KCNH5: variants seen among roughly 807,000 people sequenced by gnomAD.
The protein encoded by KCNH5 is potassium voltage-gated channel subfamily H member 5.
KCNH5 carries 46 observed loss-of-function variants against 96.1 expected under a neutral mutation model. The observed-to-expected ratio is 0.48, with a 90% confidence interval of 0.38 to 0.61. KCNH5 has a LOEUF of 0.61. Among genes scored for constraint, KCNH5 ranks in the 20% least tolerant of loss-of-function variants. The pLI, the probability that KCNH5 is intolerant of heterozygous loss-of-function variation, is 0.00. For missense variants in KCNH5, 907 were observed against 1,225.8 expected (o/e 0.74, Z 3.88); for synonymous variants, 439 against 449.8 (o/e 0.98, Z 0.30).
At chr14:62,834,543 A>G (rs1198412486) in intron 8 of KCNH5, among the ~76,000 whole-genome samples, 2 of 152,092 alleles carry the variant, frequency 1.3e-5, no homozygotes, top group East Asian at 3.9e-4. Flanking sequence ...GAAGAAAACC[A>G]AGGCAGGCAA....
chr14:62,876,680 A>G (rs1888379601), intron 7 of KCNH5, among the ~76,000 whole-genome samples: 1 of 152,232 alleles, frequency 6.6e-6, no homozygotes, highest in African/African-American at 2.4e-5. Flanking sequence ...AACCTCACAT[A>G]CTATATAGCG....
At chr14:62,911,127 T>A (rs1889144705) in intron 7 of KCNH5, among the ~76,000 whole-genome samples, 1 of 152,118 alleles carries the variant, frequency 6.6e-6, no homozygotes, top group Non-Finnish European at 1.5e-5. Flanking sequence ...AAATAGTATA[T>A]ACTTAAAAAT....
intron 10 of KCNH5, among the ~76,000 whole-genome samples, chr14:62,734,554 G>A (rs2139928012): frequency 6.6e-6 from 1 of 152,146 alleles, no homozygotes; most frequent in African/African-American, 2.4e-5. Flanking sequence ...TTCTTTCCAG[G>A]AAGCCCCTCC....
chr14:62,859,699 G>A (rs1392664050), intron 7 of KCNH5, among the ~76,000 whole-genome samples: 1 of 152,178 alleles, frequency 6.6e-6, no homozygotes, highest in Non-Finnish European at 1.5e-5. Context: ...ATAACCAGGT[G>A]GCCTGCTTGA....
intron 8 of KCNH5, among the ~76,000 whole-genome samples, chr14:62,811,833 A>C (rs1216362059): frequency 6.6e-6 from 1 of 152,170 alleles, no homozygotes; most frequent in African/African-American, 2.4e-5. Context: ...GAGCACATTC[A>C]GTCATTCATT....
At chr14:62,910,566 A>G (rs1195054993) in intron 7 of KCNH5, among the ~76,000 whole-genome samples, 1 of 152,236 alleles carries the variant, frequency 6.6e-6, no homozygotes. Context: ...GCAATAACAA[A>G]TTGAAAAGGT....
chr14:62,810,515 TA>T (rs1252344658), intron 8 of KCNH5, among the ~76,000 whole-genome samples: 1 of 152,036 alleles, frequency 6.6e-6, no homozygotes, highest in African/African-American at 2.4e-5. Flanking sequence ...TGGCACAAGA[TA>T]CAGGTCATAA....
intron 1 of KCNH5, among the ~76,000 whole-genome samples, chr14:63,026,920 C>T (rs965585075): frequency 1.3e-5 from 2 of 152,016 alleles, no homozygotes; most frequent in African/African-American, 2.4e-5. Context: ...TATTGCTCCA[C>T]TATTTACAGT....
intron 8 of KCNH5, among the ~76,000 whole-genome samples, chr14:62,826,659 T>C (rs963552603): frequency 1.3e-5 from 2 of 152,008 alleles, no homozygotes; most frequent in Admixed American, 6.6e-5. Flanking sequence ...AAAACTTTTG[T>C]ATTAAAACTT....
chr14:62,741,929 C>T (rs1885278787), intron 10 of KCNH5, among the ~76,000 whole-genome samples: 1 of 152,122 alleles, frequency 6.6e-6, no homozygotes, highest in African/African-American at 2.4e-5. Context: ...GAAAAGATTA[C>T]TGGTATCAAA....
In KCNH5 at chr14:63,011,083, T is replaced by C. The variant is rs149330721; in HGVS notation, c.198-4611A>G. The stretch of plus-strand genomic sequence containing the variant: ...TCCAGCTCAGAAGTGGCCACAACCA[T>C]AGAATCATAAAGGTTAATGGGAGGT... On this transcript the variant is annotated intron_variant, in intron 2 of 10. Coordinates refer to ENST00000322893, the MANE Select transcript of KCNH5 (RefSeq NM_139318.5). 2.6e-5 allele frequency among the ~76,000 whole-genome samples: 4 copies of C among 152,116 alleles called. No individual in the cohort carries two copies. In the East Asian group the frequency reaches 5.8e-4, roughly 22 times the overall value.
At chr14:62,853,774 C>A (rs1887872337) in intron 7 of KCNH5, among the ~76,000 whole-genome samples, 2 of 151,612 alleles carry the variant, frequency 1.3e-5, no homozygotes, top group Non-Finnish European at 2.9e-5. Flanking sequence ...TTTTGGGAGG[C>A]CAAGGCAGGC....
chr14:63,036,952 C>A (rs1157606192), intron 1 of KCNH5, among the ~76,000 whole-genome samples: 1 of 152,012 alleles, frequency 6.6e-6, no homozygotes, highest in African/African-American at 2.4e-5. Flanking sequence ...TCATAATTTT[C>A]TAGGAATTTT....
intron 10 of KCNH5, among the ~76,000 whole-genome samples, chr14:62,715,141 A>C (rs1027171): frequency 0.41 from 61,955 of 152,024 alleles, 12,915 homozygotes; most frequent in South Asian, 0.57. Flanking sequence ...AGGACATTTG[A>C]TCATAAAAGT....
intron 8 of KCNH5, among the ~76,000 whole-genome samples, chr14:62,831,508 C>A (rs1176518177): frequency 2.6e-5 from 4 of 152,092 alleles, no homozygotes; most frequent in Admixed American, 6.6e-5. Flanking sequence ...GTTCATCGAC[C>A]ATTTATATTT....
At chr14:62,855,794 G>A (rs1269725430) in intron 7 of KCNH5, among the ~76,000 whole-genome samples, 1 of 152,064 alleles carries the variant, frequency 6.6e-6, no homozygotes, top group South Asian at 2.1e-4. Flanking sequence ...AAAAGAGACA[G>A]GTCAGAAGAT....
rs1277209731 is a variant in KCNH5 at position 62,890,698 on chromosome 14, C to CAAAAAA, written c.1370-40852_1370-40847dup. On this transcript the variant is annotated intron_variant, in intron 7 of 10. Transcript: ENST00000322893. ...TGGGGGACAGAGCGAGACTCCGTCT[C>CAAAAAA]AAAAAAAAAAAAAAAAAAAAAAGTG... 2.0e-3 allele frequency among the ~76,000 whole-genome samples: 114 copies of CAAAAAA among 55,854 alleles called. 1 individual carries two copies. The highest frequency in any genetic ancestry group is 5.2e-3 in the African/African-American group (74 of 14,366). 36.6% of individuals were successfully genotyped at this position (55,854 alleles called of 152,430 possible). A position where few individuals can be genotyped will look rare whatever the true frequency, so the allele number is the denominator to read the frequency against.
intron 7 of KCNH5, among the ~76,000 whole-genome samples, chr14:62,946,505 T>C (rs1402752144): frequency 1.3e-5 from 2 of 149,450 alleles, no homozygotes; most frequent in Non-Finnish European, 2.9e-5. Flanking sequence ...GCTTTGTGTT[T>C]TTTGTGTGGT....
At chr14:62,735,316 G>C (rs142388916) in intron 10 of KCNH5, among the ~76,000 whole-genome samples, 42 of 152,256 alleles carry the variant, frequency 2.8e-4, no homozygotes, top group African/African-American at 9.9e-4. Context: ...AAGAGTGATA[G>C]TAGCCCTGGT....
Sources: allele counts gnomAD v4.1 joint callset (sites outside exome capture counted in the v4.1 genomes callset), GRCh38; gene constraint gnomAD v4.1.1; transcripts MANE v1.5; gene names NCBI Gene and HGNC (gene_info 2026-07-23, HGNC 2026-07-21).